Variants in GPR78 observed in about 807,000 individuals in gnomAD.
GPR78 encodes G protein-coupled receptor 78.
In GPR78, 29 loss-of-function variants were observed where a neutral mutation model predicts 17.9. That is an observed-to-expected ratio of 1.62 (90% CI 1.20 to 2.21). GPR78 has a LOEUF of 2.21. GPR78 is among the 30% of genes most tolerant of loss of function. The pLI, the probability that GPR78 is intolerant of heterozygous loss-of-function variation, is 0.00. For missense variants in GPR78, 649 were observed against 530.5 expected (o/e 1.22, Z -2.19); for synonymous variants, 349 against 256.9 (o/e 1.36, Z -3.43).
chr4:8,589,025 C>G lies in GPR78; in HGVS notation c.*1662C>G, dbSNP rs1054479665. On this transcript the variant is annotated 3_prime_UTR_variant, in exon 3 of 3. Coordinates refer to ENST00000382487, the MANE Select transcript of GPR78 (RefSeq NM_080819.5). Reference sequence around the variant, plus strand: ...GAGGACACAGGCACGGGACACCATGCCTGGCTAATTTTTGTATTTTTTTTT... The same window carrying G: ...GAGGACACAGGCACGGGACACCATGGCTGGCTAATTTTTGTATTTTTTTTT... Among the ~76,000 whole-genome samples, 9 of 152,200 alleles carry G rather than the reference C, an allele frequency of 5.9e-5. No individual in the cohort carries two copies. Among genetic ancestry groups the G allele is most frequent in the Admixed American group, 4.6e-4 (7 of 15,294 alleles).
rs1387488477 is a variant in GPR78, at chr4:8,581,558, G to C, written c.576G>C (p.Ser192=). 3.2e-6 allele frequency: 5 copies of C among 1,582,188 alleles called. No homozygotes were observed. Among genetic ancestry groups the C allele is most frequent in the Non-Finnish European group, 4.3e-6 (5 of 1,172,052 alleles). The part of the protein sequence containing the change: ...VLPLAVLCLT[S]LQVHRVARRH... The stretch of plus-strand genomic sequence containing the variant: ...CGCTGGCGGTGCTCTGCCTCACCTC[G>C]CTCCAGGTGCACCGGGTGGCACGCA... Residue 192 remains serine, a synonymous_variant, in exon 1 of 3, where the codon TCG becomes TCC. Coordinates refer to ENST00000382487, the MANE Select transcript of GPR78 (RefSeq NM_080819.5).
At chr4:8,586,663 C>T (rs1713520678) in intron 2 of GPR78, among the ~76,000 whole-genome samples, 1 of 152,202 alleles carries the variant, frequency 6.6e-6, no homozygotes, top group African/African-American at 2.4e-5. Context: ...GTGTGTTGGT[C>T]TGCAGCCTGG....
intron 2 of GPR78, among the ~76,000 whole-genome samples, chr4:8,585,955 G>A (rs981668994): frequency 6.6e-6 from 1 of 152,236 alleles, no homozygotes; most frequent in East Asian, 1.9e-4. Context: ...TCTGAGTGGG[G>A]GTGGGACATC....
At chr4:8,585,208 A>T (rs1033474771) in intron 2 of GPR78, among the ~76,000 whole-genome samples, 6 of 152,216 alleles carry the variant, frequency 3.9e-5, no homozygotes, top group African/African-American at 1.4e-4. Context: ...GGCTACGGTC[A>T]CAAGGTGTTG....
chr4:8,584,261 G>C (rs972880931), intron 2 of GPR78, among the ~76,000 whole-genome samples: 17 of 152,296 alleles, frequency 1.1e-4, no homozygotes, highest in Admixed American at 3.3e-4. Flanking sequence ...TTATTTTCCT[G>C]TGTGTTTACA....
chr4:8,587,575 C>T lies in GPR78; in HGVS notation c.*212C>T. Reference sequence around the variant, plus strand: ...AGCTCGGGGCTGGGCTGCCTGGCTGCTGGGTGGCCCCGGGACAGTGGCTTT... The same window carrying T: ...AGCTCGGGGCTGGGCTGCCTGGCTGTTGGGTGGCCCCGGGACAGTGGCTTT... On this transcript the variant is annotated 3_prime_UTR_variant, in exon 3 of 3. Coordinates refer to ENST00000382487, the MANE Select transcript of GPR78 (RefSeq NM_080819.5). 1.6e-6 allele frequency: 1 copy of T among 608,030 alleles called. No homozygotes were observed. The highest frequency in any genetic ancestry group is 2.9e-6 in the Non-Finnish European group (1 of 344,990). 37.7% of individuals were successfully genotyped at this position (608,030 alleles called of 1,614,324 possible).
At position 8,580,702 on chromosome 4, in the gene GPR78, A is replaced by C; in HGVS notation, c.-281A>C. 1 of 499,480 alleles carries C rather than the reference A, an allele frequency of 2.0e-6. No individual in the cohort carries two copies. 30.9% of individuals were successfully genotyped at this position (499,480 alleles called of 1,614,324 possible). On this transcript the variant is annotated 5_prime_UTR_variant, in exon 1 of 3. Coordinates refer to ENST00000382487, the MANE Select transcript of GPR78 (RefSeq NM_080819.5). Reference sequence around the variant, plus strand: ...TCAGCCTCAGGACAGTCCTGCCGGGACGGTGAGCGCATTCAGCACCCTGGA... The same window carrying C: ...TCAGCCTCAGGACAGTCCTGCCGGGCCGGTGAGCGCATTCAGCACCCTGGA...
chr4:8,584,047 C>T (rs950055598), intron 2 of GPR78, among the ~76,000 whole-genome samples: 8 of 152,154 alleles, frequency 5.3e-5, no homozygotes, highest in South Asian at 4.1e-4. Flanking sequence ...CATGTGCCTG[C>T]GCATGCATGC....
intron 2 of GPR78, among the ~76,000 whole-genome samples, chr4:8,585,240 G>T (rs947504219): frequency 6.6e-6 from 1 of 152,172 alleles, no homozygotes; most frequent in East Asian, 1.9e-4. Flanking sequence ...ACACGTGAGC[G>T]AGCCCTCTTC....
chr4:8,584,142 G>A (rs1488784074), intron 2 of GPR78, among the ~76,000 whole-genome samples: 1 of 152,142 alleles, frequency 6.6e-6, no homozygotes, highest in Admixed American at 6.5e-5. Context: ...TGTGTAGAAG[G>A]TGAGTGCTAA....
chr4:8,587,164 G>T lies in GPR78; in HGVS notation c.893G>T (p.Arg298Leu), dbSNP rs144053758. The change falls in exon 3 of 3, where the codon CGC (arginine) becomes CTC (leucine). Residue 298 changes from arginine (R) to leucine (L), a missense_variant. Coordinates refer to ENST00000382487, the MANE Select transcript of GPR78 (RefSeq NM_080819.5). Reference sequence around the variant, plus strand: ...GACCCGTTCACGTACTCTCTGCTCCGCCGGCCGTTCCGCCAAGTCCTGGCC... The same window carrying T: ...GACCCGTTCACGTACTCTCTGCTCCTCCGGCCGTTCCGCCAAGTCCTGGCC... ...VADPFTYSLL[R>L]RPFRQVLAGM... is the part of the protein sequence containing the mutation. 2.5e-6 allele frequency: 4 copies of T among 1,613,164 alleles called. No individual in the cohort carries two copies. Among genetic ancestry groups the T allele is most frequent in the Non-Finnish European group, 8.5e-7 (1 of 1,179,878 alleles).
Position 8,586,937 on chromosome 4 carries a change from G to C in GPR78, c.783-117G>C, listed in dbSNP as rs535524080. The C allele has an allele frequency of 1.3e-5, 11 of 871,186 alleles. No homozygotes were observed. In the East Asian group the frequency reaches 2.3e-4, roughly 18 times the overall value. 54.0% of individuals were successfully genotyped at this position (871,186 alleles called of 1,614,324 possible). On this transcript the variant is annotated intron_variant, in intron 2 of 2. Coordinates refer to ENST00000382487, the MANE Select transcript of GPR78 (RefSeq NM_080819.5). ...GTGCTGGTGCAGAGCCCCCTGGCTA[G>C]TGAGCATCAGGGCTGCGGTACGTAC...
chr4:8,587,260 C>A lies in GPR78; in HGVS notation c.989C>A (p.Ala330Asp). 2 of 1,596,478 alleles carry A rather than the reference C, an allele frequency of 1.3e-6. No individual in the cohort carries two copies. The highest frequency in any genetic ancestry group is 1.7e-6 in the Non-Finnish European group (2 of 1,167,876). The change falls in exon 3 of 3, where the codon GCC (alanine) becomes GAC (aspartate). Residue 330 changes from alanine to aspartate, a missense_variant. Transcript: ENST00000382487. The part of the protein sequence containing the change: ...ASTHDSSLDV[A>D]GMVHQLLKRT... ...ACCCATGACAGCTCTCTGGATGTGGCCGGCATGGTGCACCAGCTGCTGAAG... is the reference window on the plus strand; with the variant it reads ...ACCCATGACAGCTCTCTGGATGTGGACGGCATGGTGCACCAGCTGCTGAAG...
rs1451598650 is a variant in GPR78 at position 8,580,971 on chromosome 4, GC to G, written c.-10del. On this transcript the variant is annotated 5_prime_UTR_variant, in exon 1 of 3. An upstream open reading frame in the 5' UTR loses its in-frame stop. Coordinates refer to ENST00000382487, the MANE Select transcript of GPR78 (RefSeq NM_080819.5). ...ATGAGAACCCCAGGGTGCCTGGCGAGCCGCTAGCGCCATGGGCCCCGGCGAG... is the reference window on the plus strand; with the variant it reads ...ATGAGAACCCCAGGGTGCCTGGCGAGCGCTAGCGCCATGGGCCCCGGCGAG... The G allele has an allele frequency of 2.6e-6, 4 of 1,552,430 alleles. No individual in the cohort carries two copies. Among genetic ancestry groups the G allele is most frequent in the Non-Finnish European group, 3.5e-6 (4 of 1,152,578 alleles).
rs751381754 is a variant in GPR78 at position 8,588,514 on chromosome 4, G to C, written c.*1151G>C. On this transcript the variant is annotated 3_prime_UTR_variant, in exon 3 of 3. Transcript: ENST00000382487. ...GAGGTGTGTGTGTGAATGAGTGAGC[G>C]AGTGAATGAATGGACACGATTCTCT... Among the ~76,000 whole-genome samples the C allele has an allele frequency of 6.6e-6, 1 of 152,244 alleles. No individual in the cohort carries two copies.
intron 2 of GPR78, among the ~76,000 whole-genome samples, chr4:8,585,679 C>T (rs1305740650): frequency 6.6e-6 from 1 of 152,130 alleles, no homozygotes; most frequent in Non-Finnish European, 1.5e-5. Context: ...GTGTCCCTGC[C>T]CTGATTTTTG....
rs994546820 is a variant in GPR78, at chr4:8,589,289, A to G, written c.*1926A>G. Among the ~76,000 whole-genome samples the G allele has an allele frequency of 2.0e-5, 3 of 152,120 alleles. No individual in the cohort carries two copies. The highest frequency in any genetic ancestry group is 2.0e-4 in the Admixed American group (3 of 15,268). ...CAAATTATCGTTTGGAATAATAACAACTATAGGTATGTGGTCAGGAAGCAG... is the reference window on the plus strand; with the variant it reads ...CAAATTATCGTTTGGAATAATAACAGCTATAGGTATGTGGTCAGGAAGCAG... On this transcript the variant is annotated 3_prime_UTR_variant, in exon 3 of 3. Transcript: ENST00000382487.
Position 8,587,956 on chromosome 4 carries a change from A to G in GPR78, c.*593A>G, listed in dbSNP as rs1041814691. 2.0e-5 allele frequency among the ~76,000 whole-genome samples: 3 copies of G among 152,144 alleles called. No individual in the cohort carries two copies. Among genetic ancestry groups the G allele is most frequent in the Admixed American group, 1.3e-4 (2 of 15,280 alleles). On this transcript the variant is annotated 3_prime_UTR_variant, in exon 3 of 3. Coordinates refer to ENST00000382487, the MANE Select transcript of GPR78 (RefSeq NM_080819.5). ...TCCCTGGGACATGCCCATCTCTGGAAGCCTAGGGGTCCCCAGCTCCAGGCC... is the reference window on the plus strand; with the variant it reads ...TCCCTGGGACATGCCCATCTCTGGAGGCCTAGGGGTCCCCAGCTCCAGGCC...
intron 2 of GPR78, 103 bp downstream of exon 2, chr4:8,582,747 C>A: frequency 1.3e-6 from 1 of 780,994 alleles, no homozygotes. Context: ...TGGAGGGCGG[C>A]CACCACCAGA....
Sources: gnomAD v4.1 joint callset for allele counts (sites outside exome capture counted in the v4.1 genomes callset) on GRCh38, gnomAD v4.1.1 for gene constraint, MANE v1.5 for transcripts, NCBI Gene and HGNC (gene_info 2026-07-23, HGNC 2026-07-21) for gene names.